The following SIPA1L1 variants were observed in gnomAD, a reference collection of about 807,000 sequenced individuals.
SIPA1L1 encodes the protein signal induced proliferation associated 1 like 1, also known as signal-induced proliferation-associated 1-like protein 1.
SIPA1L1 carries 26 observed loss-of-function variants against 162.7 expected under a neutral mutation model. That is an observed-to-expected ratio of 0.16 (90% CI 0.12 to 0.22). The LOEUF (loss-of-function observed/expected upper bound fraction) is 0.22, where lower values mean the gene tolerates loss of function less well. SIPA1L1 is among the 10% of genes least tolerant of loss of function. SIPA1L1 has a pLI of 1.00. For missense variants in SIPA1L1, 1,874 were observed against 2,241.0 expected (o/e 0.84, Z 3.31); for synonymous variants, 829 against 837.4 (o/e 0.99, Z 0.17).
At chr14:71,682,273 A>T (rs1189499419) in intron 12 of SIPA1L1, among the ~76,000 whole-genome samples, 1 of 152,240 alleles carries the variant, frequency 6.6e-6, no homozygotes, top group Non-Finnish European at 1.5e-5. Flanking sequence ...ACCGTTCATC[A>T]ACACAGAATT....
chr14:71,376,892 T>C (rs2039420508), intron 2 of SIPA1L1, among the ~76,000 whole-genome samples: 1 of 152,190 alleles, frequency 6.6e-6, no homozygotes, highest in Non-Finnish European at 1.5e-5. Context: ...CAGAGAAATT[T>C]TTCTTAGTAC....
intron 2 of SIPA1L1, among the ~76,000 whole-genome samples, chr14:71,508,600 C>A (rs1415197781): frequency 6.6e-6 from 1 of 152,220 alleles, no homozygotes; most frequent in Non-Finnish European, 1.5e-5. Context: ...CCACAGAGTT[C>A]CAGGAGCTGA....
rs114451938 is a variant in SIPA1L1 at position 71,690,134 on chromosome 14, C to T, written c.3374+4503C>T. 4.8e-3 allele frequency among the ~76,000 whole-genome samples: 734 copies of T among 152,300 alleles called. 4 individuals carry two copies. The highest frequency in any genetic ancestry group is 0.017 in the African/African-American group (714 of 41,564). On this transcript the variant is annotated intron_variant, in intron 13 of 23. Coordinates refer to ENST00000381232, the MANE Select transcript of SIPA1L1 (RefSeq NM_001386936.1). ...TGTGCTTTCCAAATACTGGCCCCCTCCATCACAGCTTCGTGCCTTGCCATG... is the reference window on the plus strand; with the variant it reads ...TGTGCTTTCCAAATACTGGCCCCCTTCATCACAGCTTCGTGCCTTGCCATG...
At chr14:71,464,181 C>CT (rs2046811857) in intron 2 of SIPA1L1, among the ~76,000 whole-genome samples, 1 of 152,190 alleles carries the variant, frequency 6.6e-6, no homozygotes, top group Non-Finnish European at 1.5e-5. Flanking sequence ...CTAATCCACT[C>CT]CACCACCCCA....
At chr14:71,647,421 T>G (rs3784060) in intron 7 of SIPA1L1, among the ~76,000 whole-genome samples, 55,281 of 151,622 alleles carry the variant, frequency 0.36, 11,040 homozygotes, top group East Asian at 0.69. Flanking sequence ...TCTAAATAAA[T>G]TAATCCTTTT....
Position 71,541,096 on chromosome 14 carries a change from G to A in SIPA1L1, c.-303+11726G>A, listed in dbSNP as rs370614042. Among the ~76,000 whole-genome samples the A allele has an allele frequency of 2.1e-4, 32 of 152,066 alleles. No individual in the cohort carries two copies. In the South Asian group the frequency reaches 6.6e-3, roughly 32 times the overall value. On this transcript the variant is annotated intron_variant, in intron 4 of 23. Coordinates refer to ENST00000381232, the MANE Select transcript of SIPA1L1 (RefSeq NM_001386936.1). Reference sequence around the variant, plus strand: ...TGAGCCAAGATTCTCCAGCCTGGGTGACAGAGCGAAACTCCATCTTTAAAA... The same window carrying A: ...TGAGCCAAGATTCTCCAGCCTGGGTAACAGAGCGAAACTCCATCTTTAAAA...
At chr14:71,510,263 G>A (rs991947026) in intron 2 of SIPA1L1, among the ~76,000 whole-genome samples, 6 of 134,432 alleles carry the variant, frequency 4.5e-5, no homozygotes, top group African/African-American at 1.4e-4. Context: ...CTTGGCTCAC[G>A]GCAACCTCTG....
intron 12 of SIPA1L1, among the ~76,000 whole-genome samples, chr14:71,683,516 T>A (rs1478599880): frequency 6.6e-6 from 1 of 152,222 alleles, no homozygotes; most frequent in Admixed American, 6.5e-5. Context: ...TCCAGAACAT[T>A]AGATCTTTAT....
chr14:71,406,034 T>C (rs140924807), intron 2 of SIPA1L1, among the ~76,000 whole-genome samples: 2,498 of 152,240 alleles, frequency 0.016, 41 homozygotes, highest in South Asian at 0.059. Context: ...TAGCGTCTCG[T>C]CGAGAGATAA....
At chr14:71,354,511 A>G (rs1292435964) in intron 2 of SIPA1L1, among the ~76,000 whole-genome samples, 1 of 151,640 alleles carries the variant, frequency 6.6e-6, no homozygotes, top group Non-Finnish European at 1.5e-5. Context: ...TCCTAACCTC[A>G]AGCAATCTGC....
chr14:71,380,623 A>T (rs1250235066), intron 2 of SIPA1L1, among the ~76,000 whole-genome samples: 1 of 152,242 alleles, frequency 6.6e-6, no homozygotes, highest in East Asian at 1.9e-4. Flanking sequence ...TTTTTTGGAT[A>T]GCAGGGTAGA....
intron 2 of SIPA1L1, among the ~76,000 whole-genome samples, chr14:71,405,392 A>C (rs899561957): frequency 1.3e-5 from 2 of 152,174 alleles, no homozygotes; most frequent in Non-Finnish European, 2.9e-5. Flanking sequence ...AGAAATAACT[A>C]ATCATGTAGG....
In SIPA1L1 at chr14:71,482,400, C is replaced by T. The variant is rs986330137; in HGVS notation, c.-464-30343C>T. 2.0e-5 allele frequency among the ~76,000 whole-genome samples: 3 copies of T among 152,066 alleles called. No homozygotes were observed. The East Asian group carries it at 5.8e-4, about 29-fold the overall frequency. ...CTTCAAAATCAAGTGCTGGGTTTAGCGATTACCCAATCTCAACCAAGGAAA... is the reference window on the plus strand; with the variant it reads ...CTTCAAAATCAAGTGCTGGGTTTAGTGATTACCCAATCTCAACCAAGGAAA... On this transcript the variant is annotated intron_variant, in intron 2 of 23. Transcript: ENST00000381232.
chr14:71,651,950 A>G (rs1457341459), intron 8 of SIPA1L1, among the ~76,000 whole-genome samples: 2 of 152,186 alleles, frequency 1.3e-5, no homozygotes, highest in Admixed American at 1.3e-4. Flanking sequence ...TAGTTTTGGA[A>G]TTATATAATA....
At chr14:71,643,046 C>A (rs963892870) in intron 7 of SIPA1L1, among the ~76,000 whole-genome samples, 4 of 151,248 alleles carry the variant, frequency 2.6e-5, no homozygotes, top group Non-Finnish European at 5.9e-5. Context: ...TAATTGGAGA[C>A]CCCAGAGGAG....
At chr14:71,582,557 T>G (rs2034081307) in intron 4 of SIPA1L1, among the ~76,000 whole-genome samples, 1 of 152,196 alleles carries the variant, frequency 6.6e-6, no homozygotes, top group Non-Finnish European at 1.5e-5. Context: ...TTTTCCTTTT[T>G]GATCCTTCCT....
intron 5 of SIPA1L1, among the ~76,000 whole-genome samples, chr14:71,590,021 TAAAAAAAAAAA>T (rs200463823): frequency 1.7e-3 from 145 of 85,098 alleles, no homozygotes; most frequent in African/African-American, 3.1e-3. Flanking sequence ...AGTGGGAGAG[TAAAAAAAAAAA>T]AAAAAAAAAA....
At chr14:71,476,373 TTC>T (rs1237302832) in intron 2 of SIPA1L1, among the ~76,000 whole-genome samples, 5 of 152,214 alleles carry the variant, frequency 3.3e-5, no homozygotes, top group African/African-American at 1.2e-4. Context: ...AACATTAGCG[TTC>T]TTGCTGTTAA....
At chr14:71,601,687 G>T (rs1370538501) in intron 5 of SIPA1L1, among the ~76,000 whole-genome samples, 1 of 152,052 alleles carries the variant, frequency 6.6e-6, no homozygotes, top group Non-Finnish European at 1.5e-5. Flanking sequence ...AAGTTTGATA[G>T]AATTCAACAG....
Sources: gnomAD v4.1 joint callset for allele counts (sites outside exome capture counted in the v4.1 genomes callset) on GRCh38, gnomAD v4.1.1 for gene constraint, MANE v1.5 for transcripts, NCBI Gene and HGNC (gene_info 2026-07-23, HGNC 2026-07-21) for gene names.